The following TIAM1 variants were observed in gnomAD, a reference collection of about 807,000 sequenced individuals.
TIAM1 encodes the protein rho guanine nucleotide exchange factor TIAM1.
Under a neutral mutation model 163.5 loss-of-function variants are expected in TIAM1, and 65 were observed. The observed-to-expected ratio is 0.40, with a 90% CI of 0.33 to 0.49. The LOEUF is 0.49. TIAM1 is among the 20% of genes least tolerant of loss of function. TIAM1 has a pLI of 0.77. For missense variants in TIAM1, 1,789 were observed against 2,044.7 expected (o/e 0.87, Z 2.41); for synonymous variants, 833 against 810.1 (o/e 1.03, Z -0.48).
At chr21:31,430,267 C>A (rs2147277483) in intron 2 of TIAM1, among the ~76,000 whole-genome samples, 1 of 145,478 alleles carries the variant, frequency 6.9e-6, no homozygotes, top group South Asian at 2.2e-4. Context: ...CACACACACA[C>A]ACACACATAT....
At chr21:31,462,317 T>C (rs945033506) in intron 2 of TIAM1, among the ~76,000 whole-genome samples, 3 of 152,236 alleles carry the variant, frequency 2.0e-5, no homozygotes, top group African/African-American at 4.8e-5. Flanking sequence ...TGCTGACCCC[T>C]GTTCTAGTTC....
At chr21:31,521,830 A>C (rs1397484810) in intron 1 of TIAM1, among the ~76,000 whole-genome samples, 1 of 151,576 alleles carries the variant, frequency 6.6e-6, no homozygotes, top group East Asian at 2.0e-4. Flanking sequence ...TTAGAGTATC[A>C]CTCTGGCCCA....
rs1019605391 is a variant in TIAM1 at position 31,237,081 on chromosome 21, G to A, written c.1584+8407C>T. ...TGATGAAGAACTTTCTAGGACTTAG[G>A]GCTGACTAACAAAACCGATGGTTGA... On this transcript the variant is annotated intron_variant, in intron 6 of 27. Coordinates refer to ENST00000541036, the MANE Select transcript of TIAM1 (RefSeq NM_001353694.2). 2.0e-5 allele frequency among the ~76,000 whole-genome samples: 3 copies of A among 152,174 alleles called. No homozygotes were observed. In the South Asian group the frequency reaches 6.2e-4, roughly 32 times the overall value.
At chr21:31,258,822 A>C (rs1460428331) in intron 4 of TIAM1, among the ~76,000 whole-genome samples, 3 of 152,102 alleles carry the variant, frequency 2.0e-5, no homozygotes, top group African/African-American at 7.2e-5. Context: ...TCAAAAAAAA[A>C]AAAAAAACCA....
chr21:31,122,916 A>G (rs1463291580), intron 27 of TIAM1, among the ~76,000 whole-genome samples: 3 of 152,210 alleles, frequency 2.0e-5, no homozygotes, highest in Non-Finnish European at 4.4e-5. Flanking sequence ...GTGCTGATCT[A>G]CTCAGGCACC....
intron 2 of TIAM1, among the ~76,000 whole-genome samples, chr21:31,304,779 G>A (rs888857732): frequency 2.6e-5 from 4 of 152,148 alleles, no homozygotes; most frequent in African/African-American, 9.7e-5. Context: ...TGCAACCTCC[G>A]CCTCCTGGGT....
At chr21:31,445,021 C>CAGAAG (rs10636058) in intron 2 of TIAM1, among the ~76,000 whole-genome samples, 123,443 of 151,684 alleles carry the variant, frequency 0.81, 50,601 homozygotes, top group East Asian at 0.92. Context: ...AAACAAAGAA[C>CAGAAG]AGAAGAGAAG....
chr21:31,437,002 G>A (rs544380602), intron 2 of TIAM1, among the ~76,000 whole-genome samples: 3 of 152,016 alleles, frequency 2.0e-5, no homozygotes, highest in South Asian at 2.1e-4. Context: ...TAAAACCTTC[G>A]CCACTGTAGC....
At chr21:31,407,918 G>A (rs1017467288) in intron 2 of TIAM1, among the ~76,000 whole-genome samples, 1 of 152,124 alleles carries the variant, frequency 6.6e-6, no homozygotes, top group Non-Finnish European at 1.5e-5. Context: ...GATAACAGGC[G>A]TCAGCCACCG....
chr21:31,229,283 G>A (rs1021989552), intron 6 of TIAM1, among the ~76,000 whole-genome samples: 3 of 151,866 alleles, frequency 2.0e-5, no homozygotes, highest in African/African-American at 7.3e-5. Flanking sequence ...GTATGACAGG[G>A]GTGTGTTCAG....
intron 12 of TIAM1, among the ~76,000 whole-genome samples, chr21:31,197,893 T>C (rs2085960679): frequency 6.6e-6 from 1 of 152,134 alleles, no homozygotes; most frequent in African/African-American, 2.4e-5. Context: ...AGCCGCATTC[T>C]TTCCACTACA....
chr21:31,142,695 A>G (rs1441975053), intron 20 of TIAM1, among the ~76,000 whole-genome samples: 1 of 152,072 alleles, frequency 6.6e-6, no homozygotes. Flanking sequence ...GCAGATGCAG[A>G]AGCAGCAGCA....
chr21:31,424,410 G>A (rs1443369304), intron 2 of TIAM1, among the ~76,000 whole-genome samples: 1 of 152,192 alleles, frequency 6.6e-6, no homozygotes, highest in Non-Finnish European at 1.5e-5. Flanking sequence ...CAACAGGTGT[G>A]TGGATAAACG....
At chr21:31,139,738 C>T (rs1402645528) in intron 22 of TIAM1, among the ~76,000 whole-genome samples, 1 of 152,198 alleles carries the variant, frequency 6.6e-6, no homozygotes, top group Non-Finnish European at 1.5e-5. Context: ...TTCTCATGCT[C>T]TGCTTGTAAT....
chr21:31,383,516 T>C (rs1027590509), intron 2 of TIAM1, among the ~76,000 whole-genome samples: 11 of 152,072 alleles, frequency 7.2e-5, no homozygotes, highest in Non-Finnish European at 1.6e-4. Flanking sequence ...CACTCAACCT[T>C]ACAAACAGGC....
chr21:31,392,236 G>A (rs532165207), intron 2 of TIAM1, among the ~76,000 whole-genome samples: 3 of 152,222 alleles, frequency 2.0e-5, no homozygotes, highest in African/African-American at 4.8e-5. Context: ...ATGAAAACAC[G>A]GTATTTTAAG....
At chr21:31,549,291 T>C (rs538110633) in intron 1 of TIAM1, among the ~76,000 whole-genome samples, 1 of 152,202 alleles carries the variant, frequency 6.6e-6, no homozygotes, top group Non-Finnish European at 1.5e-5. Flanking sequence ...GTGAAAAGTA[T>C]TGGCAGAATC....
At chr21:31,134,045 C>T (rs2082521122) in intron 23 of TIAM1, among the ~76,000 whole-genome samples, 1 of 151,920 alleles carries the variant, frequency 6.6e-6, no homozygotes, top group Admixed American at 6.6e-5. Flanking sequence ...TCCAGCCTGG[C>T]AACACAGCGA....
intron 3 of TIAM1, among the ~76,000 whole-genome samples, chr21:31,275,644 C>T (rs905838907): frequency 6.6e-6 from 1 of 152,216 alleles, no homozygotes; most frequent in Non-Finnish European, 1.5e-5. Flanking sequence ...CAGAAACCAT[C>T]TCTTACTTGT....
Sources: gnomAD v4.1 joint callset for allele counts (sites outside exome capture counted in the v4.1 genomes callset) on GRCh38, gnomAD v4.1.1 for gene constraint, MANE v1.5 for transcripts, NCBI Gene and HGNC (gene_info 2026-07-23, HGNC 2026-07-21) for gene names.